The following UBASH3B variants were observed in gnomAD, a reference collection of about 807,000 sequenced individuals.
UBASH3B encodes the protein ubiquitin-associated and SH3 domain-containing protein B.
Under a neutral mutation model 83.4 loss-of-function variants are expected in UBASH3B, and 37 were observed. That is an observed-to-expected ratio of 0.44 (90% CI 0.34 to 0.58). UBASH3B has a LOEUF of 0.58. Ranked by LOEUF, UBASH3B falls within the 20% of genes least tolerant of loss-of-function variation. UBASH3B has a pLI of 0.01. For synonymous variants in UBASH3B, 304 were observed against 318.3 expected, an observed-to-expected ratio of 0.96 and a Z score of 0.48; for missense variants, 657 against 827.2, an observed-to-expected ratio of 0.79 and a Z score of 2.52.
At chr11:122,683,510 G>T (rs2135911407) in intron 1 of UBASH3B, among the ~76,000 whole-genome samples, 1 of 151,878 alleles carries the variant, frequency 6.6e-6, no homozygotes, top group South Asian at 2.1e-4. Context: ...AGCTACTTGG[G>T]AGGCTGAGGC....
chr11:122,674,889 C>T (rs935152394), intron 1 of UBASH3B, among the ~76,000 whole-genome samples: 9 of 151,868 alleles, frequency 5.9e-5, no homozygotes, highest in Admixed American at 1.3e-4. Flanking sequence ...CCATCATACC[C>T]GGCTAATTTT....
intron 1 of UBASH3B, among the ~76,000 whole-genome samples, chr11:122,741,278 T>C (rs572580856): frequency 1.8e-4 from 27 of 152,350 alleles, no homozygotes; most frequent in Non-Finnish European, 3.4e-4. Flanking sequence ...TCCTTCATAA[T>C]GAATTTTAAA....
chr11:122,775,330 C>T (rs12795620), intron 1 of UBASH3B, among the ~76,000 whole-genome samples: 20,462 of 152,242 alleles, frequency 0.13, 1,691 homozygotes, highest in Middle Eastern at 0.24. Context: ...TATAACCAGC[C>T]TATGGATACT....
intron 11 of UBASH3B, 26 bp downstream of exon 11, chr11:122,801,358 T>C (rs753219888): frequency 3.7e-6 from 6 of 1,611,034 alleles, no homozygotes; most frequent in Non-Finnish European, 5.1e-6. Flanking sequence ...TGCTGCTTAC[T>C]GAGGCCAGTG....
At chr11:122,723,433 C>T (rs539090059) in intron 1 of UBASH3B, among the ~76,000 whole-genome samples, 39 of 152,350 alleles carry the variant, frequency 2.6e-4, no homozygotes, top group Middle Eastern at 3.4e-3. Context: ...CCCTTGGAGA[C>T]GCATTCTCCC....
chr11:122,793,208 C>A (rs1332106988), intron 6 of UBASH3B, among the ~76,000 whole-genome samples: 1 of 152,104 alleles, frequency 6.6e-6, no homozygotes, highest in Non-Finnish European at 1.5e-5. Flanking sequence ...CATGGTGAAA[C>A]CCCATCTCTA....
intron 1 of UBASH3B, among the ~76,000 whole-genome samples, chr11:122,706,120 C>T (rs4936725): frequency 0.14 from 15,131 of 105,726 alleles, 890 homozygotes; most frequent in African/African-American, 0.26. Context: ...TTTTTTTTTT[C>T]TTTTTTTTTT....
intron 3 of UBASH3B, among the ~76,000 whole-genome samples, chr11:122,778,814 A>C (rs1376700003): frequency 6.6e-6 from 1 of 152,120 alleles, no homozygotes; most frequent in Non-Finnish European, 1.5e-5. Context: ...TATGTTGGTC[A>C]GGCTGGTCTC....
At chr11:122,688,452 GT>G (rs1168505058) in intron 1 of UBASH3B, among the ~76,000 whole-genome samples, 2 of 136,958 alleles carry the variant, frequency 1.5e-5, no homozygotes, top group African/African-American at 5.4e-5. Flanking sequence ...TGGTTTGTTT[GT>G]TTTTTTTTTT....
chr11:122,797,526 A>G (rs1261842932), intron 9 of UBASH3B, among the ~76,000 whole-genome samples: 2 of 152,216 alleles, frequency 1.3e-5, no homozygotes, highest in Non-Finnish European at 2.9e-5. Context: ...TACTTTGTGC[A>G]AGGTATTGGA....
intron 1 of UBASH3B, among the ~76,000 whole-genome samples, chr11:122,721,170 G>A (rs940953800): frequency 4.7e-5 from 7 of 149,616 alleles, no homozygotes; most frequent in African/African-American, 9.9e-5. Context: ...GCTTGAACCC[G>A]GTGGTGGAGG....
chr11:122,655,971 CTGG>C lies in UBASH3B; in HGVS notation c.-78_-76del, dbSNP rs2135884491. On this transcript the variant is annotated 5_prime_UTR_variant, in exon 1 of 14. Coordinates refer to ENST00000284273, the MANE Select transcript of UBASH3B (RefSeq NM_032873.5). The stretch of plus-strand genomic sequence containing the variant: ...GCTCTGGGTCCCCGAGCCCCCTCCC[CTGG>C]CCCAGCCCGACTCCCTCCTCCTTCC... 7.4e-7 allele frequency: 1 copy of C among 1,350,006 alleles called. No homozygotes were observed. The allele number at this position is 1,350,006 out of a possible 1,614,324, so 83.6% of individuals were successfully genotyped here.
intron 1 of UBASH3B, among the ~76,000 whole-genome samples, chr11:122,668,619 C>T (rs1441732326): frequency 1.3e-5 from 2 of 152,188 alleles, no homozygotes; most frequent in Non-Finnish European, 2.9e-5. Flanking sequence ...AGAAAATTGG[C>T]TTTAGAGACA....
chr11:122,784,257 A>G (rs963947374), intron 5 of UBASH3B, among the ~76,000 whole-genome samples: 3 of 152,160 alleles, frequency 2.0e-5, no homozygotes, highest in African/African-American at 7.2e-5. Context: ...TCTATCCTGA[A>G]GGAGAAGCTG....
At chr11:122,683,334 G>T (rs1021091983) in intron 1 of UBASH3B, among the ~76,000 whole-genome samples, 1 of 151,920 alleles carries the variant, frequency 6.6e-6, no homozygotes, top group Admixed American at 6.6e-5. Context: ...TGACCACAGG[G>T]CCTGGCATGG....
intron 1 of UBASH3B, among the ~76,000 whole-genome samples, chr11:122,711,275 T>C (rs1864187340): frequency 1.3e-5 from 2 of 152,370 alleles, no homozygotes; most frequent in African/African-American, 4.8e-5. Context: ...TGTCCAAACC[T>C]TGGAATTCGT....
intron 1 of UBASH3B, among the ~76,000 whole-genome samples, chr11:122,703,791 C>T (rs540607395): frequency 1.3e-5 from 2 of 152,292 alleles, no homozygotes; most frequent in Admixed American, 6.5e-5. Flanking sequence ...GAGAACATGG[C>T]GCCCTGATAC....
At chr11:122,797,104 A>G in intron 9 of UBASH3B, 71 bp downstream of exon 9, 1 of 1,509,712 alleles carries the variant, frequency 6.6e-7, no homozygotes, top group Non-Finnish European at 8.9e-7. Context: ...TACCATGGAT[A>G]TGCAAGACAC....
chr11:122,810,063 C>G lies in UBASH3B; in HGVS notation c.*177C>G. On this transcript the variant is annotated 3_prime_UTR_variant, in exon 14 of 14. Coordinates refer to ENST00000284273, the MANE Select transcript of UBASH3B (RefSeq NM_032873.5). ...GTGTAAATGAGAGAAAGACTTGATT[C>G]AGAGGAAAAAAATGTGTTCTCTCTG... 2 of 731,082 alleles carry G rather than the reference C, an allele frequency of 2.7e-6. No individual in the cohort carries two copies. Among genetic ancestry groups the G allele is most frequent in the Non-Finnish European group, 4.2e-6 (2 of 475,054 alleles). 45.3% of individuals were successfully genotyped at this position (731,082 alleles called of 1,614,324 possible).
Sources: gnomAD v4.1 joint callset for allele counts (sites outside exome capture counted in the v4.1 genomes callset) on GRCh38, gnomAD v4.1.1 for gene constraint, MANE v1.5 for transcripts, NCBI Gene and HGNC (gene_info 2026-07-23, HGNC 2026-07-21) for gene names.